The following LITAF variants were observed in gnomAD, a reference collection of about 807,000 sequenced individuals.
LITAF encodes the protein lipopolysaccharide-induced tumor necrosis factor-alpha factor.
A neutral mutation model predicts 14.5 loss-of-function variants in LITAF; 9 were observed. The observed-to-expected ratio is 0.62, with a 90% CI of 0.37 to 1.08. LITAF has a LOEUF of 1.08. Ranked by LOEUF, LITAF falls within the 50% of genes least tolerant of loss-of-function variation. LITAF has a pLI of 0.01. For synonymous variants in LITAF, 98 were observed against 88.2 expected (o/e 1.11, Z -0.62); for missense variants, 206 against 213.4 (o/e 0.97, Z 0.22).
intron 3 of LITAF, among the ~76,000 whole-genome samples, chr16:11,626,163 C>T (rs938662091): frequency 1.3e-5 from 2 of 151,932 alleles, no homozygotes; most frequent in African/African-American, 2.4e-5. Flanking sequence ...CACTACTTTA[C>T]TTTAAAAAAA....
upstream of LITAF, chr16:11,587,265 G>T: frequency 1.6e-4 from 54 of 339,128 alleles, no homozygotes; most frequent in East Asian, 3.7e-4. Flanking sequence ...CTCCTGATTT[G>T]CCGCTCGCGG....
At chr16:11,626,280 G>A (rs1263320807) in intron 3 of LITAF, among the ~76,000 whole-genome samples, 2 of 152,158 alleles carry the variant, frequency 1.3e-5, no homozygotes, top group Non-Finnish European at 2.9e-5. Context: ...CCAGGTTCAG[G>A]CAATTCTCCT....
At chr16:11,556,828 G>T in intron 1 of LITAF, 93 bp from the exon 2 acceptor site, 1 of 1,096,118 alleles carries the variant, frequency 9.1e-7, no homozygotes, top group Non-Finnish European at 1.4e-6. Context: ...CTGGCAAACA[G>T]AAATTCTGAG....
intron 1 of LITAF, among the ~76,000 whole-genome samples, chr16:11,596,989 G>A (rs991931773): frequency 6.6e-6 from 1 of 152,118 alleles, no homozygotes; most frequent in Non-Finnish European, 1.5e-5. Context: ...GCCCAGACAG[G>A]TAAAGTAACA....
rs2065125003 is a variant in LITAF at position 11,632,962 on chromosome 16, A to G, written c.85+571T>C. Among the ~76,000 whole-genome samples the G allele has an allele frequency of 6.6e-6, 1 of 152,044 alleles. No homozygotes were observed. The highest frequency in any genetic ancestry group is 2.1e-4 in the South Asian group (1 of 4,822). ...AGGGCTGAGCTGGCAGCCACTCCAG[A>G]GATTTGCTGTCTTAGATAGGAAAGG... On this transcript the variant is annotated intron_variant, in intron 3 of 3. Coordinates refer to the LITAF transcript ENST00000574848. This position sits in a 1 kb window ranked among gnomAD's most constrained non-coding sequence, Gnocchi z 4.8.
At chr16:11,623,374 C>G (rs2065063091) in intron 3 of LITAF, among the ~76,000 whole-genome samples, 1 of 152,010 alleles carries the variant, frequency 6.6e-6, no homozygotes, top group Non-Finnish European at 1.5e-5. Flanking sequence ...CATCAAGAAT[C>G]TCTCAGGCTG....
At chr16:11,629,309 A>T (rs1319517128) in intron 3 of LITAF, 2 of 152,412 alleles carry the variant, frequency 1.3e-5, no homozygotes, top group Non-Finnish European at 2.9e-5. Flanking sequence ...GTAGAAGCAG[A>T]GCCTGTGATG....
At chr16:11,559,502 T>C (rs1442407398) in intron 1 of LITAF, among the ~76,000 whole-genome samples, 2 of 152,082 alleles carry the variant, frequency 1.3e-5, no homozygotes, top group African/African-American at 4.8e-5. Flanking sequence ...TGTTTTTTGA[T>C]AAAAATTTAG....
At chr16:11,633,743 CTCTG>C (rs1396401909) in intron 2 of LITAF, 1 of 152,166 alleles carries the variant, frequency 6.6e-6, no homozygotes, top group Non-Finnish European at 1.5e-5. Context: ...CATGGGGCTG[CTCTG>C]TCTAAGGAGT....
intron 3 of LITAF, among the ~76,000 whole-genome samples, chr16:11,625,603 A>G (rs148402492): frequency 5.3e-5 from 8 of 152,288 alleles, no homozygotes; most frequent in Middle Eastern, 3.4e-3. Flanking sequence ...TCTCAGCATC[A>G]GCCTCTGGGG....
chr16:11,607,526 T>C (rs1432165576), intron 3 of LITAF, among the ~76,000 whole-genome samples: 1 of 152,086 alleles, frequency 6.6e-6, no homozygotes, highest in Non-Finnish European at 1.5e-5. Context: ...TAGTGTGCTT[T>C]AATATGGGTA....
chr16:11,548,541 C>T lies in LITAF; in HGVS notation c.*1096G>A, dbSNP rs1241438500. The T allele has an allele frequency of 2.2e-6, 1 of 453,796 alleles. No homozygotes were observed. The highest frequency in any genetic ancestry group is 4.4e-6 in the Non-Finnish European group (1 of 226,758). The allele number at this position is 453,796 out of a possible 1,614,324, so 28.1% of individuals were successfully genotyped here. A position where few individuals can be genotyped will look rare whatever the true frequency, so the allele number is the denominator to read the frequency against. ...CCATGATGAAGGTGTTTAAGAATCA[C>T]ATTAACCCCAAGTAAAGGCAGTAGA... On this transcript the variant is annotated 3_prime_UTR_variant, in exon 4 of 4. Transcript: ENST00000622633.
chr16:11,566,928 G>A (rs1310773924), intron 1 of LITAF, among the ~76,000 whole-genome samples: 1 of 152,182 alleles, frequency 6.6e-6, no homozygotes, highest in Non-Finnish European at 1.5e-5. Flanking sequence ...CCATATAGAT[G>A]GTCTCACAGT....
At chr16:11,630,716 C>T (rs1295502037) in intron 3 of LITAF, among the ~76,000 whole-genome samples, 1 of 151,810 alleles carries the variant, frequency 6.6e-6, no homozygotes, top group Non-Finnish European at 1.5e-5. Context: ...ATAGCTGGGA[C>T]TACAGGCACC....
chr16:11,619,048 C>T (rs550518543), intron 3 of LITAF, among the ~76,000 whole-genome samples: 28 of 150,958 alleles, frequency 1.9e-4, no homozygotes, highest in African/African-American at 3.6e-4. Flanking sequence ...CGGTGGCTTA[C>T]GCCTGTAATC....
chr16:11,610,295 G>T (rs2064975561), intron 3 of LITAF, among the ~76,000 whole-genome samples: 1 of 152,186 alleles, frequency 6.6e-6, no homozygotes, highest in South Asian at 2.1e-4. Flanking sequence ...ACCTGCCCCC[G>T]CAGGCTCCAG....
rs1356833100 is a variant in LITAF at position 11,586,619 on chromosome 16, G to A, written c.-6+267C>T. Among the ~76,000 whole-genome samples, 1 of 151,784 alleles carries A rather than the reference G, an allele frequency of 6.6e-6. No individual in the cohort carries two copies. The highest frequency in any genetic ancestry group is 1.5e-5 in the Non-Finnish European group (1 of 67,840). ...GGTGGGGGCCGGACGACCCCGCCACGCGCGATCGGGCCACTCTGGGACGCA... is the reference window on the plus strand; with the variant it reads ...GGTGGGGGCCGGACGACCCCGCCACACGCGATCGGGCCACTCTGGGACGCA... On this transcript the variant is annotated intron_variant, in intron 1 of 3. Coordinates refer to ENST00000622633, the MANE Select transcript of LITAF (RefSeq NM_001136472.2). This position sits in a 1 kb window ranked among gnomAD's most constrained non-coding sequence, Gnocchi z 6.5.
At chr16:11,589,834 G>A (rs1201193780), upstream of LITAF, among the ~76,000 whole-genome samples, 2 of 151,728 alleles carry the variant, frequency 1.3e-5, no homozygotes, top group Non-Finnish European at 2.9e-5. Flanking sequence ...ATGTTGCCCA[G>A]ACTGGTCTCA....
At chr16:11,597,886 A>G (rs2064900456) in intron 1 of LITAF, among the ~76,000 whole-genome samples, 1 of 152,142 alleles carries the variant, frequency 6.6e-6, no homozygotes, top group South Asian at 2.1e-4. Context: ...GAAATGGGAC[A>G]AAACCCAGCA....
Sources: gnomAD v4.1 joint callset for allele counts (sites outside exome capture counted in the v4.1 genomes callset) on GRCh38, gnomAD v4.1.1 for gene constraint, Gnocchi (gnomAD v3.1) non-coding constraint, MANE v1.5 for transcripts, NCBI Gene and HGNC (gene_info 2026-07-23, HGNC 2026-07-21) for gene names.